Variants in AGBL1 observed in about 807,000 individuals in gnomAD.
AGBL1 encodes the protein AGBL carboxypeptidase 1.
A neutral mutation model predicts 118.9 loss-of-function variants in AGBL1; 130 were observed. The ratio of observed to expected loss-of-function variants is 1.09; its 90% CI spans 0.95 to 1.26. AGBL1 has a LOEUF of 1.26. Ranked by LOEUF, AGBL1 falls within the 50% of genes most tolerant of loss-of-function variation. AGBL1 has a pLI of 0.00. For synonymous variants in AGBL1, 555 were observed against 478.9 expected (o/e 1.16, Z -2.08); for missense variants, 1,584 against 1,298.1 (o/e 1.22, Z -3.38).
At chr15:86,252,753 G>C (rs911654597) in intron 7 of AGBL1, among the ~76,000 whole-genome samples, 1 of 152,220 alleles carries the variant, frequency 6.6e-6, no homozygotes, top group Non-Finnish European at 1.5e-5. Context: ...CACAGACAGA[G>C]AAGCTGTGGA....
At chr15:86,133,773 T>C (rs2076849697) in intron 1 of AGBL1, among the ~76,000 whole-genome samples, 4 of 152,224 alleles carry the variant, frequency 2.6e-5, no homozygotes, top group African/African-American at 9.6e-5. Context: ...AGCAAAGATC[T>C]TGTTGAGGTT....
At chr15:86,764,501 T>C (rs2078068982) in intron 22 of AGBL1, among the ~76,000 whole-genome samples, 1 of 152,072 alleles carries the variant, frequency 6.6e-6, no homozygotes, top group South Asian at 2.1e-4. Context: ...GAGACAAATA[T>C]ATCAAATATT....
intron 4 of AGBL1, among the ~76,000 whole-genome samples, chr15:86,156,278 C>G (rs1218030635): frequency 1.3e-5 from 2 of 152,172 alleles, no homozygotes; most frequent in African/African-American, 4.8e-5. Flanking sequence ...GATTTGGTTT[C>G]TACTGGCCCC....
chr15:86,882,585 C>T (rs2079911143), intron 22 of AGBL1, among the ~76,000 whole-genome samples: 1 of 152,152 alleles, frequency 6.6e-6, no homozygotes, highest in Non-Finnish European at 1.5e-5. Context: ...ACCAACTGGG[C>T]TTGTCTGAAA....
chr15:86,604,446 G>T (rs945132758), intron 21 of AGBL1, among the ~76,000 whole-genome samples: 3 of 152,174 alleles, frequency 2.0e-5, no homozygotes, highest in African/African-American at 4.8e-5. Context: ...ATCATGAACA[G>T]AGCTAAAATT....
chr15:86,886,550 G>A (rs182519127), intron 22 of AGBL1, among the ~76,000 whole-genome samples: 1 of 152,248 alleles, frequency 6.6e-6, no homozygotes, highest in East Asian at 1.9e-4. Flanking sequence ...TAAGACAAAG[G>A]ATAAGAACCA....
chr15:86,183,977 G>T (rs1197997005), intron 5 of AGBL1, among the ~76,000 whole-genome samples: 1 of 152,190 alleles, frequency 6.6e-6, no homozygotes, highest in Non-Finnish European at 1.5e-5. Context: ...ACTCGTGCCT[G>T]CCTGTCATCT....
intron 17 of AGBL1, among the ~76,000 whole-genome samples, chr15:86,370,349 G>A (rs1205303229): frequency 7.0e-6 from 1 of 143,642 alleles, no homozygotes; most frequent in Non-Finnish European, 1.5e-5. Flanking sequence ...CTGTCACCCA[G>A]GCTGGAGTGC....
intron 23 of AGBL1, among the ~76,000 whole-genome samples, chr15:86,935,763 G>A (rs916427114): frequency 3.9e-5 from 6 of 152,188 alleles, no homozygotes; most frequent in Admixed American, 1.3e-4. Flanking sequence ...AAAGAGAGCC[G>A]CACTGAGGCT....
intron 17 of AGBL1, among the ~76,000 whole-genome samples, chr15:86,307,010 A>G (rs2079851815): frequency 6.6e-6 from 1 of 151,932 alleles, no homozygotes; most frequent in South Asian, 2.1e-4. Context: ...TTTTGATCGG[A>G]TCATTCAATT....
intron 18 of AGBL1, among the ~76,000 whole-genome samples, chr15:86,468,508 G>C (rs1567008904): frequency 6.6e-6 from 1 of 152,146 alleles, no homozygotes; most frequent in Non-Finnish European, 1.5e-5. Context: ...CCACAGAGGA[G>C]CTTGGAAACA....
At chr15:86,325,750 A>G (rs1285073293) in intron 17 of AGBL1, among the ~76,000 whole-genome samples, 1 of 152,152 alleles carries the variant, frequency 6.6e-6, no homozygotes, top group Non-Finnish European at 1.5e-5. Flanking sequence ...CAGACAAGGC[A>G]TTGGACTATA....
At chr15:86,440,087 A>G (rs2082045157) in intron 18 of AGBL1, among the ~76,000 whole-genome samples, 1 of 152,188 alleles carries the variant, frequency 6.6e-6, no homozygotes, top group South Asian at 2.1e-4. Flanking sequence ...ATTTTGCACC[A>G]TAATTTGTGT....
intron 1 of AGBL1, among the ~76,000 whole-genome samples, chr15:86,094,144 A>T (rs539864607): frequency 5.6e-4 from 86 of 152,272 alleles, no homozygotes; most frequent in Non-Finnish European, 1.0e-3. Context: ...GTTACTTCAA[A>T]AATTAGAGCT....
At chr15:86,944,819 G>A (rs766401319) in intron 23 of AGBL1, among the ~76,000 whole-genome samples, 8 of 152,240 alleles carry the variant, frequency 5.3e-5, no homozygotes, top group Admixed American at 1.3e-4. Flanking sequence ...AGGGCAATAA[G>A]TAAGAATCTT....
intron 22 of AGBL1, among the ~76,000 whole-genome samples, chr15:86,816,758 C>T (rs2078863211): frequency 6.6e-6 from 1 of 152,062 alleles, no homozygotes; most frequent in South Asian, 2.1e-4. Context: ...AGGTCAGTGA[C>T]CAGAAGAGGT....
intron 17 of AGBL1, among the ~76,000 whole-genome samples, chr15:86,364,558 A>G (rs530728242): frequency 1.3e-5 from 2 of 152,176 alleles, no homozygotes; most frequent in African/African-American, 4.8e-5. Context: ...GTTTTTCTAC[A>G]CATGTTGTGT....
At chr15:86,995,397 A>T (rs2081370819) in intron 24 of AGBL1, among the ~76,000 whole-genome samples, 1 of 152,130 alleles carries the variant, frequency 6.6e-6, no homozygotes, top group Admixed American at 6.6e-5. Context: ...AAAATAAATA[A>T]GTAAATAAAC....
intron 1 of AGBL1, among the ~76,000 whole-genome samples, chr15:86,118,323 G>A (rs1897886749): frequency 6.6e-6 from 1 of 152,132 alleles, no homozygotes. Flanking sequence ...TTGGCAGGTA[G>A]GATTTCAAAG....
Sources: gnomAD v4.1 joint callset for allele counts (sites outside exome capture counted in the v4.1 genomes callset) on GRCh38, gnomAD v4.1.1 for gene constraint, MANE v1.5 for transcripts, NCBI Gene and HGNC (gene_info 2026-07-23, HGNC 2026-07-21) for gene names.